NT5C2: variants seen among roughly 807,000 people sequenced by gnomAD.
The protein encoded by NT5C2 is cytosolic purine 5'-nucleotidase.
Under a neutral mutation model 76.1 loss-of-function variants are expected in NT5C2, and 58 were observed. That is an observed-to-expected ratio of 0.76 (90% CI 0.62 to 0.95). The LOEUF is 0.95. NT5C2 is among the 40% of genes least tolerant of loss of function. The pLI is 0.00. For synonymous variants in NT5C2, 229 were observed against 237.4 expected (o/e 0.96, Z 0.32); for missense variants, 478 against 690.3 (o/e 0.69, Z 3.45).
At chr10:103,092,733 G>GTGAT (rs1036224466) in intron 15 of NT5C2, among the ~76,000 whole-genome samples, 37 of 152,128 alleles carry the variant, frequency 2.4e-4, no homozygotes, top group African/African-American at 8.5e-4. Context: ...AATACCAGAG[G>GTGAT]TGATTAACAT....
rs1470832754 is a variant in NT5C2 at position 103,106,684 on chromosome 10, C to T, written c.198G>A (p.Glu66=). The change falls in exon 5 of 19, where the codon GAG becomes GAA. Residue 66 remains glutamate, a synonymous_variant. Transcript: ENST00000404739. ...TLAVYKSPEY[E]SLGFELTVER... ...CCACAGTAAGCTCAAAACCAAGGGA[C>T]TCATACTCTGGGGACTTGTACACTG... The T allele has an allele frequency of 6.2e-7, 1 of 1,612,264 alleles. No homozygotes were observed. The highest frequency in any genetic ancestry group is 2.2e-5 in the East Asian group (1 of 44,848).
At chr10:103,164,576 T>G (rs980858846) in intron 3 of NT5C2, among the ~76,000 whole-genome samples, 1 of 152,020 alleles carries the variant, frequency 6.6e-6, no homozygotes, top group Non-Finnish European at 1.5e-5. Flanking sequence ...TTTTTAGTAT[T>G]AAAAAAACCT....
At chr10:103,114,430 A>T (rs1039195327) in intron 4 of NT5C2, among the ~76,000 whole-genome samples, 4 of 151,998 alleles carry the variant, frequency 2.6e-5, no homozygotes, top group East Asian at 1.9e-4. Context: ...AATAAATAAA[A>T]AATAAAAATA....
At chr10:103,094,848 C>G (rs959604920) in intron 12 of NT5C2, among the ~76,000 whole-genome samples, 5 of 147,070 alleles carry the variant, frequency 3.4e-5, no homozygotes, top group Admixed American at 1.4e-4. Context: ...TGCCACTGCA[C>G]TCCAGCTTGG....
intron 1 of NT5C2, among the ~76,000 whole-genome samples, chr10:103,192,561 C>T (rs2092716512): frequency 6.6e-6 from 1 of 152,234 alleles, no homozygotes; most frequent in Non-Finnish European, 1.5e-5. Flanking sequence ...GGCTCAGCCC[C>T]CTGACCAGGA....
At chr10:103,176,798 C>T (rs1036084981) in intron 2 of NT5C2, among the ~76,000 whole-genome samples, 2 of 152,136 alleles carry the variant, frequency 1.3e-5, no homozygotes, top group African/African-American at 2.4e-5. Flanking sequence ...GGGAGCCACC[C>T]GCCGGCCTCC....
chr10:103,117,286 A>ATT (rs1197992640), intron 4 of NT5C2, among the ~76,000 whole-genome samples: 1 of 152,236 alleles, frequency 6.6e-6, no homozygotes, highest in African/African-American at 2.4e-5. Flanking sequence ...GATATGAGTA[A>ATT]TAATATCTGT....
rs1434787782 is a variant in NT5C2, at chr10:103,088,121, T to TA, written c.*1550dup. 7 of 152,134 alleles carry TA rather than the reference T, an allele frequency of 4.6e-5. No individual in the cohort carries two copies. Among genetic ancestry groups the TA allele is most frequent in the African/African-American group, 2.4e-5 (1 of 41,438 alleles). 9.4% of individuals were successfully genotyped at this position (152,134 alleles called of 1,614,324 possible). A position where few individuals can be genotyped will look rare whatever the true frequency, so the allele number is the denominator to read the frequency against. ...AACCCACTTGAAGACCAATAGCTAT[T>TA]ACAGTTGTACTACAGAATAGGTCAA... On this transcript the variant is annotated 3_prime_UTR_variant, in exon 19 of 19. Transcript: ENST00000404739.
chr10:103,183,281 A>ATTATATATATTT (rs1452571027), intron 1 of NT5C2, among the ~76,000 whole-genome samples: 1 of 130,646 alleles, frequency 7.7e-6, no homozygotes, highest in Admixed American at 8.6e-5. Flanking sequence ...ATATATATAT[A>ATTATATATATTT]TATATATATA....
At chr10:103,179,930 A>G (rs1275289188) in intron 2 of NT5C2, among the ~76,000 whole-genome samples, 2 of 152,208 alleles carry the variant, frequency 1.3e-5, no homozygotes, top group African/African-American at 4.8e-5. Context: ...TTGCATTTAT[A>G]TATTATCCTT....
At position 103,179,109 on chromosome 10, in the gene NT5C2, C is replaced by G. The variant is rs189649366; in HGVS notation, c.-25+2076G>C. 4.9e-3 allele frequency among the ~76,000 whole-genome samples: 743 copies of G among 151,666 alleles called. 1 individual carries two copies. Among genetic ancestry groups the G allele is most frequent in the African/African-American group, 0.017 (711 of 41,374 alleles). On this transcript the variant is annotated intron_variant, in intron 2 of 18. Transcript: ENST00000404739. The stretch of plus-strand genomic sequence containing the variant: ...GATTACAGGCACGCACCACCTTGCC[C>G]GGCTAATTTTTGTATTTTTAGTACA...
At position 103,126,108 on chromosome 10, in the gene NT5C2, T is replaced by C. The variant is rs2076591251; in HGVS notation, c.175+13298A>G. 2.6e-5 allele frequency among the ~76,000 whole-genome samples: 4 copies of C among 152,120 alleles called. 1 individual carries two copies. The South Asian group carries it at 8.3e-4, about 32-fold the overall frequency. On this transcript the variant is annotated intron_variant, in intron 4 of 18. Coordinates refer to ENST00000404739, the MANE Select transcript of NT5C2 (RefSeq NM_001351169.2). The stretch of plus-strand genomic sequence containing the variant: ...TGAAAAACCTGGGGTATAGAAAGTA[T>C]ATACATGAGGGCAACTTAATAAATT...
intron 15 of NT5C2, among the ~76,000 whole-genome samples, chr10:103,092,888 G>A (rs2067269901): frequency 7.0e-6 from 1 of 142,444 alleles, no homozygotes; most frequent in Non-Finnish European, 1.6e-5. Flanking sequence ...CACAACTCAA[G>A]ACGCCAACAT....
intron 2 of NT5C2, among the ~76,000 whole-genome samples, chr10:103,176,560 A>C (rs934475026): frequency 6.6e-6 from 1 of 152,146 alleles, no homozygotes; most frequent in African/African-American, 2.4e-5. Context: ...CCACTGCCTC[A>C]TCTAGGTTTT....
At chr10:103,143,602 A>ATTTTTTTTTTT (rs67395221) in intron 3 of NT5C2, among the ~76,000 whole-genome samples, 1 of 53,822 alleles carries the variant, frequency 1.9e-5, no homozygotes, top group Admixed American at 2.5e-4. Flanking sequence ...ATGTCCAGCT[A>ATTTTTTTTTTT]TTTTTTTTTT....
rs2081455602 is a variant in NT5C2 at position 103,146,229 on chromosome 10, A to G, written c.102-6750T>C. Reference sequence around the variant, plus strand: ...GCTGGAGAAAACACCTCTGTGTTTAATTTAACTTGTCATTGGATATCACTG... The same window carrying G: ...GCTGGAGAAAACACCTCTGTGTTTAGTTTAACTTGTCATTGGATATCACTG... On this transcript the variant is annotated intron_variant, in intron 3 of 18. Coordinates refer to ENST00000404739, the MANE Select transcript of NT5C2 (RefSeq NM_001351169.2). 3 of 985,396 alleles carry G rather than the reference A, an allele frequency of 3.0e-6. No individual in the cohort carries two copies. The East Asian group carries it at 3.4e-4, about 112-fold the overall frequency. The allele number at this position is 985,396 out of a possible 1,614,324, so 61.0% of individuals were successfully genotyped here.
chr10:103,127,802 C>T lies in NT5C2; in HGVS notation c.175+11604G>A, dbSNP rs550061202. Among the ~76,000 whole-genome samples the T allele has an allele frequency of 1.1e-4, 17 of 152,122 alleles. No individual in the cohort carries two copies. In the South Asian group the frequency reaches 2.9e-3, roughly 26 times the overall value. The stretch of plus-strand genomic sequence containing the variant: ...CGATCTCCTGACCTTGTGATCCGCC[C>T]GCCTCGGCCTCCCAAGGTGCTGGGA... On this transcript the variant is annotated intron_variant, in intron 4 of 18. Transcript: ENST00000404739.
At chr10:103,113,051 T>C (rs1318370367) in intron 4 of NT5C2, among the ~76,000 whole-genome samples, 1 of 152,192 alleles carries the variant, frequency 6.6e-6, no homozygotes, top group East Asian at 1.9e-4. Flanking sequence ...CTAAAAAAGA[T>C]ATTTTCATAT....
intron 10 of NT5C2, 33 bp downstream of exon 10, chr10:103,098,898 T>C (rs1347455580): frequency 4.9e-6 from 7 of 1,414,210 alleles, no homozygotes; most frequent in Non-Finnish European, 6.9e-6. Flanking sequence ...AAATGAGCTA[T>C]TATGCAGATC....
Sources: gnomAD v4.1 joint callset for allele counts (sites outside exome capture counted in the v4.1 genomes callset) on GRCh38, gnomAD v4.1.1 for gene constraint, MANE v1.5 for transcripts, NCBI Gene and HGNC (gene_info 2026-07-23, HGNC 2026-07-21) for gene names.